Variants in APBB2 observed in about 807,000 individuals in gnomAD.
The protein encoded by APBB2 is Fe65-like 1.
Under a neutral mutation model 82.5 loss-of-function variants are expected in APBB2, and 38 were observed. The ratio of observed to expected loss-of-function variants is 0.46; its 90% confidence interval spans 0.36 to 0.60. APBB2 has a LOEUF of 0.60. Ranked by LOEUF, APBB2 falls within the 20% of genes least tolerant of loss-of-function variation. The pLI, the probability that APBB2 is intolerant of heterozygous loss-of-function variation, is 0.00. For missense variants in APBB2, 772 were observed against 972.3 expected, an observed-to-expected ratio of 0.79 and a Z score of 2.74; for synonymous variants, 341 against 368.2, an observed-to-expected ratio of 0.93 and a Z score of 0.85.
intron 6 of APBB2, among the ~76,000 whole-genome samples, chr4:40,997,533 A>G (rs759318013): frequency 6.6e-6 from 1 of 152,182 alleles, no homozygotes; most frequent in African/African-American, 2.4e-5. Context: ...TCTCACAGTT[A>G]TCATTCTTCA....
chr4:40,856,992 C>A, intron 12 of APBB2: 1 of 985,550 alleles, frequency 1.0e-6, no homozygotes, highest in Non-Finnish European at 1.2e-6. Flanking sequence ...CACCTGCAAA[C>A]AAAGGAGAGC....
chr4:40,918,849 A>C (rs1413188556), intron 10 of APBB2, among the ~76,000 whole-genome samples: 1 of 151,316 alleles, frequency 6.6e-6, no homozygotes, highest in Admixed American at 6.6e-5. Context: ...GGGCTCAAGC[A>C]ATGCTCCCAC....
intron 7 of APBB2, among the ~76,000 whole-genome samples, chr4:40,938,054 G>T (rs1785829292): frequency 6.6e-6 from 1 of 152,208 alleles, no homozygotes; most frequent in African/African-American, 2.4e-5. Flanking sequence ...TATGCCTCAG[G>T]TAAGACAAAC....
rs3058169 is a variant in APBB2 at position 41,083,686 on chromosome 4, CAAAAAAAA to C, written c.-149+16945_-149+16952del. Among the ~76,000 whole-genome samples, 61 of 68,066 alleles carry C rather than the reference CAAAAAAAA, an allele frequency of 9.0e-4. 1 individual carries two copies. The East Asian group carries it at 0.021, about 24-fold the overall frequency. The allele number at this position is 68,066 out of a possible 152,430, so 44.7% of individuals were successfully genotyped here. A position where few individuals can be genotyped will look rare whatever the true frequency, so the allele number is the denominator to read the frequency against. On this transcript the variant is annotated intron_variant, in intron 3 of 17. Coordinates refer to ENST00000508593, the MANE Select transcript of APBB2 (RefSeq NM_004307.2). ...CTGGAGACAGATTGAGACTCTGTCT[CAAAAAAAA>C]AAAAAAAAAAAAAAAAAAAAGTTTC...
At chr4:41,205,694 T>C (rs1018804524) in intron 1 of APBB2, among the ~76,000 whole-genome samples, 3 of 152,294 alleles carry the variant, frequency 2.0e-5, no homozygotes, top group African/African-American at 7.2e-5. Context: ...AAAGGTAAAG[T>C]TTTTGTTTAA....
At chr4:40,966,810 TG>T (rs1019946969) in intron 6 of APBB2, among the ~76,000 whole-genome samples, 50 of 152,128 alleles carry the variant, frequency 3.3e-4, no homozygotes, top group African/African-American at 1.0e-3. Context: ...ATGAACAGCC[TG>T]GGCACCATGG....
At chr4:41,175,506 A>T (rs1769516526) in intron 1 of APBB2, among the ~76,000 whole-genome samples, 1 of 152,130 alleles carries the variant, frequency 6.6e-6, no homozygotes, top group South Asian at 2.1e-4. Context: ...AAAAGACTAG[A>T]TTTTCATCAC....
At chr4:41,001,590 AAGAC>A (rs1179237565) in intron 6 of APBB2, among the ~76,000 whole-genome samples, 1 of 152,220 alleles carries the variant, frequency 6.6e-6, no homozygotes, top group Non-Finnish European at 1.5e-5. Flanking sequence ...GCTCAAGAAA[AAGAC>A]AGGCTGGGCG....
chr4:40,900,094 GAA>G (rs1208670174), intron 10 of APBB2, among the ~76,000 whole-genome samples: 8 of 152,166 alleles, frequency 5.3e-5, no homozygotes, highest in Non-Finnish European at 1.0e-4. Context: ...GTTAGAAAAC[GAA>G]AAGAGTTCAC....
chr4:41,207,082 C>T (rs1365793576), intron 1 of APBB2, among the ~76,000 whole-genome samples: 2 of 150,912 alleles, frequency 1.3e-5, no homozygotes, highest in East Asian at 3.9e-4. Context: ...ACCTGTAGTT[C>T]CAACTACTTG....
chr4:41,098,440 C>G (rs1049708389), intron 3 of APBB2, among the ~76,000 whole-genome samples: 1 of 152,106 alleles, frequency 6.6e-6, no homozygotes, highest in Admixed American at 6.6e-5. Flanking sequence ...ACCTCTGCCC[C>G]CCAAAAGTGT....
rs188490295 is a variant in APBB2 at position 41,185,157 on chromosome 4, A to G, written c.-417+29248T>C. Reference sequence around the variant, plus strand: ...ATGGATGAAGGAGAGCAGAAAGAAGAAAGGGCAATAAGTATTTGGATAGAT... The same window carrying G: ...ATGGATGAAGGAGAGCAGAAAGAAGGAAGGGCAATAAGTATTTGGATAGAT... On this transcript the variant is annotated intron_variant, in intron 1 of 17. Coordinates refer to ENST00000508593, the MANE Select transcript of APBB2 (RefSeq NM_004307.2). Among the ~76,000 whole-genome samples the G allele has an allele frequency of 8.5e-5, 13 of 152,340 alleles. No homozygotes were observed. The East Asian group carries it at 1.7e-3, about 20-fold the overall frequency.
chr4:40,942,684 A>C (rs1250156805), intron 7 of APBB2, among the ~76,000 whole-genome samples: 1 of 152,132 alleles, frequency 6.6e-6, no homozygotes, highest in Admixed American at 6.5e-5. Context: ...GGAGGTGCCA[A>C]GGGTGTGCCC....
intron 4 of APBB2, among the ~76,000 whole-genome samples, chr4:41,056,760 G>T (rs578181808): frequency 1.3e-5 from 2 of 152,234 alleles, no homozygotes; most frequent in East Asian, 3.9e-4. Flanking sequence ...ACTGCACCCC[G>T]CTTACTTGCT....
intron 2 of APBB2, among the ~76,000 whole-genome samples, chr4:41,126,963 T>C (rs1347105571): frequency 1.3e-5 from 2 of 152,210 alleles, no homozygotes; most frequent in Non-Finnish European, 2.9e-5. Flanking sequence ...TTTTAACATA[T>C]GAATTTTGGG....
chr4:41,110,151 G>A (rs545641599), intron 2 of APBB2, among the ~76,000 whole-genome samples: 30 of 152,104 alleles, frequency 2.0e-4, no homozygotes, highest in Non-Finnish European at 4.3e-4. Flanking sequence ...CTCCTCCTTG[G>A]CCTCTGTATG....
chr4:41,093,766 A>G (rs985967491), intron 3 of APBB2, among the ~76,000 whole-genome samples: 1 of 152,122 alleles, frequency 6.6e-6, no homozygotes, highest in African/African-American at 2.4e-5. Flanking sequence ...AGGCGGAAGA[A>G]TCGCTTGAAT....
rs567974146 is a variant in APBB2, at chr4:40,947,660, G to A, written c.836-2587C>T. Reference sequence around the variant, plus strand: ...GCTAGAAATAGGTGGTAACAATGGTGCTGGTGACAGATGCAAAGTGGGCAC... The same window carrying A: ...GCTAGAAATAGGTGGTAACAATGGTACTGGTGACAGATGCAAAGTGGGCAC... On this transcript the variant is annotated intron_variant, in intron 6 of 17. Transcript: ENST00000508593. 3.9e-5 allele frequency among the ~76,000 whole-genome samples: 6 copies of A among 152,352 alleles called. No homozygotes were observed. The South Asian group carries it at 1.2e-3, about 32-fold the overall frequency.
At chr4:40,972,139 A>T (rs1796071819) in intron 6 of APBB2, among the ~76,000 whole-genome samples, 1 of 152,174 alleles carries the variant, frequency 6.6e-6, no homozygotes, top group Non-Finnish European at 1.5e-5. Flanking sequence ...TTAAAATAGC[A>T]AAATCCTGGC....
Sources: gnomAD v4.1 joint callset for allele counts (sites outside exome capture counted in the v4.1 genomes callset) on GRCh38, gnomAD v4.1.1 for gene constraint, MANE v1.5 for transcripts, NCBI Gene and HGNC (gene_info 2026-07-23, HGNC 2026-07-21) for gene names.